The following ACTR3B variants were observed in gnomAD, a reference collection of about 807,000 sequenced individuals.
The protein encoded by ACTR3B is actin related protein 3B, also known as actin-related protein 3B.
A neutral mutation model predicts 59.0 loss-of-function variants in ACTR3B; 8 were observed. The ratio of observed to expected loss-of-function variants is 0.14; its 90% CI spans 0.08 to 0.24. ACTR3B has a LOEUF of 0.24. Among genes scored for constraint, ACTR3B ranks in the 10% least tolerant of loss-of-function variants. The probability of loss-of-function intolerance (pLI) is 1.00; values close to 1 mark genes in which losing one functional copy is unlikely to be tolerated. For missense variants in ACTR3B, 245 were observed against 552.3 expected (o/e 0.44, Z 5.58); for synonymous variants, 148 against 197.9 (o/e 0.75, Z 2.12).
intron 9 of ACTR3B, among the ~76,000 whole-genome samples, chr7:152,843,160 G>A (rs1369350863): frequency 6.6e-6 from 1 of 151,484 alleles, no homozygotes; most frequent in Non-Finnish European, 1.5e-5. Flanking sequence ...TCATATTCTT[G>A]GTGGTTTTTG....
At chr7:152,847,364 G>C (rs1413214192) in intron 9 of ACTR3B, among the ~76,000 whole-genome samples, 1 of 152,206 alleles carries the variant, frequency 6.6e-6, no homozygotes, top group Non-Finnish European at 1.5e-5. Context: ...GGGATGTTTA[G>C]GCTGTTGAAG....
At chr7:152,795,846 G>GTTTT (rs1211375355) in intron 2 of ACTR3B, among the ~76,000 whole-genome samples, 1 of 139,814 alleles carries the variant, frequency 7.2e-6, no homozygotes, top group Non-Finnish European at 1.6e-5. Flanking sequence ...AGTAGCTCTT[G>GTTTT]TTTTTTTTTT....
At chr7:152,851,592 C>T (rs1393534589) in intron 9 of ACTR3B, among the ~76,000 whole-genome samples, 4 of 152,192 alleles carry the variant, frequency 2.6e-5, no homozygotes, top group South Asian at 2.1e-4. Flanking sequence ...AGCCCCCCAC[C>T]GAGCTTCTGG....
intron 1 of ACTR3B, among the ~76,000 whole-genome samples, chr7:152,775,190 C>CAAA (rs67260503): frequency 1.4e-4 from 6 of 42,608 alleles, no homozygotes; most frequent in Non-Finnish European, 2.3e-4. Context: ...AACCCTGTCT[C>CAAA]AAAAAAAAAA....
At chr7:152,842,670 C>T (rs1797961981) in intron 9 of ACTR3B, among the ~76,000 whole-genome samples, 2 of 152,224 alleles carry the variant, frequency 1.3e-5, no homozygotes, top group South Asian at 4.1e-4. Context: ...TGCCACAAGT[C>T]AGCCGTCCCC....
rs982167902 is a variant in ACTR3B, at chr7:152,824,196, G to A, written c.858+681G>A. ...GTAGGTGGGTTACAAACTGCTGTTT[G>A]TTTTTAGATGTGTATATGACTATTT... On this transcript the variant is annotated intron_variant, in intron 8 of 11. Transcript: ENST00000256001. This position sits in a 1 kb window ranked among gnomAD's most constrained non-coding sequence, Gnocchi z 4.2. Among the ~76,000 whole-genome samples the A allele has an allele frequency of 6.6e-5, 10 of 152,196 alleles. No individual in the cohort carries two copies. The highest frequency in any genetic ancestry group is 1.5e-5 in the Non-Finnish European group (1 of 68,046).
chr7:152,793,138 G>A (rs1368523462), intron 2 of ACTR3B, among the ~76,000 whole-genome samples: 1 of 127,794 alleles, frequency 7.8e-6, no homozygotes, highest in East Asian at 2.5e-4. Flanking sequence ...GGTTTGTTCA[G>A]TATTGAATCT....
chr7:152,844,066 T>G (rs530981827), intron 9 of ACTR3B, among the ~76,000 whole-genome samples: 111 of 152,298 alleles, frequency 7.3e-4, no homozygotes, highest in African/African-American at 2.5e-3. Flanking sequence ...AATTAAAAAA[T>G]TATTTATTTT....
Position 152,814,655 on chromosome 7 carries a change from G to T in ACTR3B, c.432+10G>T, listed in dbSNP as rs1795539089. 6.2e-7 allele frequency: 1 copy of T among 1,606,926 alleles called. No individual in the cohort carries two copies. The highest frequency in any genetic ancestry group is 8.5e-7 in the Non-Finnish European group (1 of 1,174,358). ...CTACATTGCAGTTCAGGTAAAACCAGTTACGTTTGTGATTCCTAAAGCACC... is the reference window on the plus strand; with the variant it reads ...CTACATTGCAGTTCAGGTAAAACCATTTACGTTTGTGATTCCTAAAGCACC... On this transcript the variant is annotated intron_variant, in intron 5 of 11. Coordinates refer to ENST00000256001, the MANE Select transcript of ACTR3B (RefSeq NM_020445.6).
intron 1 of ACTR3B, among the ~76,000 whole-genome samples, chr7:152,775,441 G>A (rs1486279392): frequency 6.6e-6 from 1 of 152,042 alleles, no homozygotes; most frequent in Non-Finnish European, 1.5e-5. Context: ...TAAAGTGGAA[G>A]AGTCTTCGTG....
intron 1 of ACTR3B, among the ~76,000 whole-genome samples, chr7:152,762,984 G>A (rs1275858714): frequency 1.3e-5 from 2 of 152,244 alleles, no homozygotes; most frequent in East Asian, 3.9e-4. Flanking sequence ...TGTCCACGAG[G>A]TTTCTTCACT....
At chr7:152,822,118 C>G (rs1796216252) in intron 7 of ACTR3B, among the ~76,000 whole-genome samples, 1 of 152,206 alleles carries the variant, frequency 6.6e-6, no homozygotes, top group African/African-American at 2.4e-5. Context: ...TCTGTGTCAT[C>G]AAAGAACACA....
intron 9 of ACTR3B, among the ~76,000 whole-genome samples, chr7:152,829,057 TACAC>T (rs1194718052): frequency 1.4e-5 from 2 of 144,690 alleles, no homozygotes; most frequent in African/African-American, 2.7e-5. Context: ...TATATATATA[TACAC>T]ACACACACAC....
At chr7:152,765,606 A>G (rs1289797721) in intron 1 of ACTR3B, among the ~76,000 whole-genome samples, 1 of 151,658 alleles carries the variant, frequency 6.6e-6, no homozygotes, top group South Asian at 2.1e-4. Flanking sequence ...AAAAATCTTC[A>G]CCTTAATACT....
chr7:152,837,174 T>G (rs1797528915), intron 9 of ACTR3B, among the ~76,000 whole-genome samples: 1 of 150,878 alleles, frequency 6.6e-6, no homozygotes, highest in Non-Finnish European at 1.5e-5. Context: ...AGACCTTGTC[T>G]CAAAAAAAAA....
chr7:152,781,035 G>T (rs1033006736), intron 1 of ACTR3B, among the ~76,000 whole-genome samples: 2 of 151,784 alleles, frequency 1.3e-5, no homozygotes, highest in African/African-American at 2.4e-5. Flanking sequence ...TACACATTTG[G>T]CAAATAGTGG....
chr7:152,791,259 C>CCTCAGT (rs1295030574), intron 2 of ACTR3B, among the ~76,000 whole-genome samples: 1 of 152,134 alleles, frequency 6.6e-6, no homozygotes, highest in African/African-American at 2.4e-5. Flanking sequence ...TGTCCACCTG[C>CCTCAGT]CTCAGTCTGT....
At chr7:152,810,587 G>A (rs1795145686) in intron 4 of ACTR3B, among the ~76,000 whole-genome samples, 2 of 151,482 alleles carry the variant, frequency 1.3e-5, no homozygotes, top group Non-Finnish European at 2.9e-5. Flanking sequence ...GCACACACCC[G>A]GCTACCACAC....
At position 152,853,586 on chromosome 7, in the gene ACTR3B, C is replaced by T. The variant is rs1799014057; in HGVS notation, c.1161+9C>T. 1 of 1,611,166 alleles carries T rather than the reference C, an allele frequency of 6.2e-7. No homozygotes were observed. On this transcript the variant is annotated intron_variant, in intron 11 of 11. Coordinates refer to ENST00000256001, the MANE Select transcript of ACTR3B (RefSeq NM_020445.6). Reference sequence around the variant, plus strand: ...CCATGCTGGCCTCGACTGTAAGTCCCTCTCTCGAGGGCTCTGTGTCTCCAT... The same window carrying T: ...CCATGCTGGCCTCGACTGTAAGTCCTTCTCTCGAGGGCTCTGTGTCTCCAT...
Sources: gnomAD v4.1 joint callset for allele counts (sites outside exome capture counted in the v4.1 genomes callset) on GRCh38, gnomAD v4.1.1 for gene constraint, Gnocchi (gnomAD v3.1) non-coding constraint, MANE v1.5 for transcripts, NCBI Gene and HGNC (gene_info 2026-07-23, HGNC 2026-07-21) for gene names.